Variants in ZNF609 observed in about 807,000 individuals in gnomAD.
ZNF609 encodes zinc finger protein 609.
In ZNF609, 11 loss-of-function variants were observed where a neutral mutation model predicts 109.5. That is an observed-to-expected ratio of 0.10 (90% CI 0.06 to 0.17). ZNF609 has a LOEUF of 0.17. Among genes scored for constraint, ZNF609 ranks in the 10% least tolerant of loss-of-function variants. The pLI is 1.00. For synonymous variants in ZNF609, 646 were observed against 662.0 expected (o/e 0.98, Z 0.37); for missense variants, 1,559 against 1,772.4 (o/e 0.88, Z 2.16).
chr15:64,649,764 C>T (rs181519709), intron 3 of ZNF609, among the ~76,000 whole-genome samples: 4 of 152,100 alleles, frequency 2.6e-5, no homozygotes, highest in Non-Finnish European at 5.9e-5. Context: ...AGTGGCACAA[C>T]ATTCAAAAGA....
At chr15:64,593,892 G>A (rs1452694845) in intron 2 of ZNF609, among the ~76,000 whole-genome samples, 1 of 152,144 alleles carries the variant, frequency 6.6e-6, no homozygotes, top group African/African-American at 2.4e-5. Context: ...AAGGGTTGGT[G>A]TTTGCTGTCT....
At chr15:64,477,623 C>CTTTTT (rs528565686) in intron 1 of ZNF609, among the ~76,000 whole-genome samples, 3 of 142,646 alleles carry the variant, frequency 2.1e-5, no homozygotes. Context: ...GTCTTATTTC[C>CTTTTT]TTTTTTTTTT....
Position 64,474,495 on chromosome 15 carries a change from G to A in ZNF609, c.-128+13657G>A, listed in dbSNP as rs375867392. ...CCCAAAGTGCTGGGATTACAGGTGT[G>A]AGCCTGGCCTCACTTTTTAATCTGA... On this transcript the variant is annotated intron_variant, in intron 1 of 9. Transcript: ENST00000326648. Among the ~76,000 whole-genome samples, 12 of 152,312 alleles carry A rather than the reference G, an allele frequency of 7.9e-5. No individual in the cohort carries two copies. In the East Asian group the frequency reaches 2.3e-3, roughly 29 times the overall value.
intron 3 of ZNF609, among the ~76,000 whole-genome samples, chr15:64,629,836 T>C (rs531253035): frequency 6.6e-6 from 1 of 152,336 alleles, no homozygotes; most frequent in African/African-American, 2.4e-5. Flanking sequence ...GCTATTACTT[T>C]AGCAGCTTTC....
chr15:64,496,577 T>A (rs113209451), intron 1 of ZNF609, among the ~76,000 whole-genome samples: 47 of 152,350 alleles, frequency 3.1e-4, no homozygotes, highest in Admixed American at 5.9e-4. Context: ...AGAAAAATTA[T>A]TTTCAGTACC....
chr15:64,592,186 A>AC (rs1362859960), intron 2 of ZNF609, among the ~76,000 whole-genome samples: 2 of 151,980 alleles, frequency 1.3e-5, no homozygotes, highest in Non-Finnish European at 2.9e-5. Flanking sequence ...AAAAAAAGAT[A>AC]TTTCTCTCAG....
intron 8 of ZNF609, 103 bp from the exon 9 acceptor site, chr15:64,681,206 G>T: frequency 1.0e-6 from 1 of 983,310 alleles, no homozygotes; most frequent in Admixed American, 2.0e-5. Flanking sequence ...ATATCTGGCT[G>T]AGTATCAGAT....
intron 2 of ZNF609, among the ~76,000 whole-genome samples, chr15:64,581,538 G>C (rs144152237): frequency 1.4e-4 from 21 of 152,226 alleles, no homozygotes; most frequent in Admixed American, 7.2e-4. Flanking sequence ...AGTCTGGTCA[G>C]ATATAGATAA....
At chr15:64,644,217 G>A (rs1896299530) in intron 3 of ZNF609, among the ~76,000 whole-genome samples, 1 of 152,102 alleles carries the variant, frequency 6.6e-6, no homozygotes, top group African/African-American at 2.4e-5. Flanking sequence ...GAAAAAGAAG[G>A]CCAAGGCCAA....
At chr15:64,566,559 A>C (rs1383675487) in intron 2 of ZNF609, among the ~76,000 whole-genome samples, 2 of 152,248 alleles carry the variant, frequency 1.3e-5, no homozygotes, top group African/African-American at 4.8e-5. Context: ...AGAGCTAGAC[A>C]TTCTAGCCAT....
intron 3 of ZNF609, among the ~76,000 whole-genome samples, chr15:64,624,582 A>G (rs977434904): frequency 6.6e-6 from 1 of 152,016 alleles, no homozygotes; most frequent in African/African-American, 2.4e-5. Context: ...TGAGAGAGTG[A>G]GGCTAATGCT....
chr15:64,583,858 T>C (rs1463449918), intron 2 of ZNF609, among the ~76,000 whole-genome samples: 5 of 152,188 alleles, frequency 3.3e-5, no homozygotes, highest in Non-Finnish European at 7.4e-5. Flanking sequence ...GAGTACCTGA[T>C]GCCACAAATT....
chr15:64,515,872 G>T (rs933289124), intron 2 of ZNF609, among the ~76,000 whole-genome samples: 1 of 151,808 alleles, frequency 6.6e-6, no homozygotes, highest in African/African-American at 2.4e-5. Context: ...TGGGAGGCGG[G>T]GGTTGCAGTG....
At chr15:64,579,054 T>A (rs1000993234) in intron 2 of ZNF609, among the ~76,000 whole-genome samples, 3 of 151,278 alleles carry the variant, frequency 2.0e-5, no homozygotes, top group African/African-American at 4.9e-5. Context: ...ATTAAAAAAA[T>A]TTTCATTAAA....
intron 2 of ZNF609, among the ~76,000 whole-genome samples, chr15:64,615,381 G>A (rs189374979): frequency 1.4e-4 from 21 of 151,742 alleles, no homozygotes; most frequent in African/African-American, 5.1e-4. Context: ...GAGCTCAAGT[G>A]AACCTCTGTC....
intron 2 of ZNF609, among the ~76,000 whole-genome samples, chr15:64,524,895 T>C (rs1364541941): frequency 6.6e-6 from 1 of 152,216 alleles, no homozygotes; most frequent in African/African-American, 2.4e-5. Context: ...TGGCAAACTG[T>C]TTGCCAGAAT....
At chr15:64,659,447 G>A (rs1896542699) in intron 3 of ZNF609, among the ~76,000 whole-genome samples, 1 of 152,154 alleles carries the variant, frequency 6.6e-6, no homozygotes, top group Non-Finnish European at 1.5e-5. Flanking sequence ...TGATTTCCTA[G>A]CCTAAAGTAG....
At chr15:64,503,974 T>C (rs183939836) in intron 2 of ZNF609, among the ~76,000 whole-genome samples, 146 of 152,344 alleles carry the variant, frequency 9.6e-4, no homozygotes, top group Non-Finnish European at 1.6e-3. Context: ...TTCTCTTGTA[T>C]TGTAGTCCCT....
At position 64,597,842 on chromosome 15, in the gene ZNF609, TCCTTAC is replaced by T. The variant is rs547210430; in HGVS notation, c.748-24980_748-24975del. On this transcript the variant is annotated intron_variant, in intron 2 of 9. Coordinates refer to ENST00000326648, the MANE Select transcript of ZNF609 (RefSeq NM_015042.2). ...GTGCAGTGGATCTTCTGACTTAATG[TCCTTAC>T]CCTTCTGCCTCCCCCATCTACTTAT... 5.3e-5 allele frequency among the ~76,000 whole-genome samples: 8 copies of T among 152,276 alleles called. No homozygotes were observed. In the East Asian group the frequency reaches 1.5e-3, roughly 29 times the overall value.
Sources: allele counts gnomAD v4.1 joint callset (sites outside exome capture counted in the v4.1 genomes callset), GRCh38; gene constraint gnomAD v4.1.1; transcripts MANE v1.5; gene names NCBI Gene and HGNC (gene_info 2026-07-23, HGNC 2026-07-21).